The following PCDH15 variants were observed in gnomAD, a reference collection of about 807,000 sequenced individuals.
PCDH15 encodes the protein protocadherin related 15, also known as protocadherin-15.
PCDH15 carries 129 observed loss-of-function variants against 178.5 expected under a neutral mutation model. The observed-to-expected ratio is 0.72, with a 90% CI of 0.63 to 0.84. PCDH15 has a LOEUF of 0.84. Ranked by LOEUF, PCDH15 falls within the 40% of genes least tolerant of loss-of-function variation. The pLI, the probability that PCDH15 is intolerant of heterozygous loss-of-function variation, is 0.00. For missense variants in PCDH15, 2,230 were observed against 2,099.9 expected, an observed-to-expected ratio of 1.06 and a Z score of -1.21; for synonymous variants, 800 against 732.0, an observed-to-expected ratio of 1.09 and a Z score of -1.50.
chr10:54,635,588 T>C (rs1428390142), intron 2 of PCDH15, among the ~76,000 whole-genome samples: 2 of 151,924 alleles, frequency 1.3e-5, no homozygotes, highest in Non-Finnish European at 2.9e-5. Flanking sequence ...GGCATTCTTT[T>C]ATCTCTTTTA....
At chr10:54,152,074 G>A (rs970013183) in intron 14 of PCDH15, among the ~76,000 whole-genome samples, 14 of 152,192 alleles carry the variant, frequency 9.2e-5, no homozygotes, top group Non-Finnish European at 2.1e-4. Flanking sequence ...ATATCACAAT[G>A]TATTGTGTGG....
At chr10:54,057,385 CA>C (rs2093917075) in intron 18 of PCDH15, among the ~76,000 whole-genome samples, 1 of 152,208 alleles carries the variant, frequency 6.6e-6, no homozygotes, top group Admixed American at 6.5e-5. Context: ...CAGAGGTTCC[CA>C]AACCTTAATT....
At chr10:54,626,564 A>G (rs1313687377) in intron 2 of PCDH15, among the ~76,000 whole-genome samples, 1 of 152,212 alleles carries the variant, frequency 6.6e-6, no homozygotes, top group Non-Finnish European at 1.5e-5. Flanking sequence ...AGTGTACAGA[A>G]GTCAAGAATT....
chr10:55,295,661 T>A, intron 1 of PCDH15, among the ~76,000 whole-genome samples: 1 of 152,226 alleles, frequency 6.6e-6, no homozygotes, highest in East Asian at 1.9e-4. Context: ...TTCTTTTAAC[T>A]TATCTCCATA....
chr10:54,879,809 G>A (rs1297803673), intron 3 of PCDH15, among the ~76,000 whole-genome samples: 1 of 151,490 alleles, frequency 6.6e-6, no homozygotes, highest in Admixed American at 6.6e-5. Context: ...TTAACATATT[G>A]ATCTTAATTT....
At chr10:55,311,669 C>T (rs1843590454) in intron 1 of PCDH15, among the ~76,000 whole-genome samples, 2 of 152,068 alleles carry the variant, frequency 1.3e-5, no homozygotes, top group Non-Finnish European at 2.9e-5. Flanking sequence ...AGGTAGGCAG[C>T]CTGATCAATT....
At chr10:54,072,045 A>G (rs956169066) in intron 17 of PCDH15, among the ~76,000 whole-genome samples, 1 of 152,080 alleles carries the variant, frequency 6.6e-6, no homozygotes, top group South Asian at 2.1e-4. Context: ...TTTTATTTAA[A>G]TGTCTGAAAA....
intron 21 of PCDH15, among the ~76,000 whole-genome samples, chr10:53,984,659 T>C (rs2090972550): frequency 6.6e-6 from 1 of 152,222 alleles, no homozygotes; most frequent in South Asian, 2.1e-4. Flanking sequence ...ATATTACCTA[T>C]AGTTTATGAA....
At chr10:55,594,525 A>C (rs1842904137) in intron 2 of PCDH15, among the ~76,000 whole-genome samples, 1 of 152,042 alleles carries the variant, frequency 6.6e-6, no homozygotes, top group East Asian at 1.9e-4. Flanking sequence ...ACAAATAGTA[A>C]TTTAGAGACA....
chr10:55,603,851 A>T (rs1381277686), intron 2 of PCDH15, among the ~76,000 whole-genome samples: 3 of 148,664 alleles, frequency 2.0e-5, no homozygotes, highest in Non-Finnish European at 4.5e-5. Flanking sequence ...GAGCAAAATC[A>T]CCAGCTAACA....
intron 1 of PCDH15, among the ~76,000 whole-genome samples, chr10:54,780,101 C>G (rs893037689): frequency 6.6e-6 from 1 of 152,070 alleles, no homozygotes; most frequent in African/African-American, 2.4e-5. Flanking sequence ...GAGAAGTTCT[C>G]AAATAATTCT....
At chr10:55,585,275 G>A (rs1273595437) in intron 2 of PCDH15, among the ~76,000 whole-genome samples, 4 of 151,992 alleles carry the variant, frequency 2.6e-5, no homozygotes, top group Admixed American at 2.6e-4. Flanking sequence ...TGCTTCCCTG[G>A]CATTTCAGGA....
intron 2 of PCDH15, among the ~76,000 whole-genome samples, chr10:54,575,518 G>A (rs1049995099): frequency 1.1e-4 from 16 of 151,996 alleles, no homozygotes; most frequent in African/African-American, 3.6e-4. Context: ...TGGTAGCAGG[G>A]TTTAACAATA....
At chr10:54,544,014 C>T (rs75698578) in intron 2 of PCDH15, among the ~76,000 whole-genome samples, 2,808 of 152,238 alleles carry the variant, frequency 0.018, 83 homozygotes, top group African/African-American at 0.061. Flanking sequence ...ATTCTTTATT[C>T]TCAAAGAAAA....
chr10:53,822,893 GTTTTCATTTTCAGCT>G (rs776728153), intron 32 of PCDH15: 1 of 1,614,086 alleles, frequency 6.2e-7, no homozygotes, highest in East Asian at 2.2e-5. Flanking sequence ...AGATTCCAGT[GTTTTCATTTTCAGCT>G]TTCTGCCTGG....
At chr10:55,223,369 A>G (rs1284805927) in intron 1 of PCDH15, among the ~76,000 whole-genome samples, 1 of 152,086 alleles carries the variant, frequency 6.6e-6, no homozygotes, top group Non-Finnish European at 1.5e-5. Flanking sequence ...ACCTTTTTCA[A>G]GGATACAGTC....
intron 2 of PCDH15, among the ~76,000 whole-genome samples, chr10:55,533,352 T>C (rs1841498848): frequency 6.6e-6 from 1 of 152,062 alleles, no homozygotes; most frequent in Admixed American, 6.6e-5. Flanking sequence ...ACCAAGGTCT[T>C]ACTAGAACTA....
intron 2 of PCDH15, among the ~76,000 whole-genome samples, chr10:54,992,001 C>T (rs1455417820): frequency 6.6e-6 from 1 of 151,890 alleles, no homozygotes; most frequent in Non-Finnish European, 1.5e-5. Context: ...TTGTAACATG[C>T]TTTCTCATAT....
At position 53,806,796 on chromosome 10, in the gene PCDH15, G is replaced by A. The variant is rs1310634771; in HGVS notation, c.5006C>T (p.Thr1669Ile). The change falls in exon 38 of 38, where the codon ACT becomes ATT. Residue 1669 changes from threonine to isoleucine, a missense_variant. Coordinates refer to ENST00000644397, the MANE Select transcript of PCDH15 (RefSeq NM_001384140.1). ...AGGGCAAGGGGCAAATGTAACCAGA[G>A]TTGGTCTTGCATTCATTTTTTCAGT... Reference protein sequence around the residue: ...FSTEKMNARPTLVTFAPCPVG... With the variant: ...FSTEKMNARPILVTFAPCPVG... 2 of 1,613,694 alleles carry A rather than the reference G, an allele frequency of 1.2e-6. No homozygotes were observed. The highest frequency in any genetic ancestry group is 1.7e-6 in the Non-Finnish European group (2 of 1,179,818).
Sources: allele counts gnomAD v4.1 joint callset (sites outside exome capture counted in the v4.1 genomes callset), GRCh38; gene constraint gnomAD v4.1.1; transcripts MANE v1.5; gene names NCBI Gene and HGNC (gene_info 2026-07-23, HGNC 2026-07-21).